RNF144B: variants seen among roughly 807,000 people sequenced by gnomAD.
RNF144B encodes ring finger protein 144B, also known as E3 ubiquitin-protein ligase RNF144B.
Under a neutral mutation model 40.2 loss-of-function variants are expected in RNF144B, and 25 were observed. The observed-to-expected ratio is 0.62, with a 90% confidence interval of 0.45 to 0.87. RNF144B has a LOEUF of 0.87. Ranked by LOEUF, RNF144B falls within the 40% of genes least tolerant of loss-of-function variation. The probability of loss-of-function intolerance (pLI) is 0.00; values close to 1 mark genes in which losing one functional copy is unlikely to be tolerated. For missense variants in RNF144B, 365 were observed against 373.7 expected, an observed-to-expected ratio of 0.98 and a Z score of 0.19; for synonymous variants, 145 against 136.3, an observed-to-expected ratio of 1.06 and a Z score of -0.44.
At chr6:18,403,333 G>C (rs1051254271) in intron 2 of RNF144B, among the ~76,000 whole-genome samples, 1 of 152,192 alleles carries the variant, frequency 6.6e-6, no homozygotes, top group Non-Finnish European at 1.5e-5. Flanking sequence ...GTGAATTAAG[G>C]AATAGTGAAA....
Position 18,434,051 on chromosome 6 carries a change from A to T in RNF144B, c.271-5633A>T, listed in dbSNP as rs1304324905. 6.6e-6 allele frequency among the ~76,000 whole-genome samples: 1 copy of T among 152,130 alleles called. No homozygotes were observed. The highest frequency in any genetic ancestry group is 6.5e-5 in the Admixed American group (1 of 15,276). On this transcript the variant is annotated intron_variant, in intron 3 of 7. Coordinates refer to ENST00000259939, the MANE Select transcript of RNF144B (RefSeq NM_182757.4). The surrounding 1 kb of genome is among the most constrained non-coding windows in gnomAD (Gnocchi z 4.1). ...ATCTCCAGATGTTCTGATATGTTTT[A>T]TTATTTGTTCAGCCTGTTTAATTTT...
Position 18,460,318 on chromosome 6 carries a change from GACC to G in RNF144B, c.681+570_681+572del. On this transcript the variant is annotated intron_variant, in intron 6 of 7. Transcript: ENST00000259939. The surrounding 1 kb of genome is among the most constrained non-coding windows in gnomAD (Gnocchi z 4.4). ...TTCTTTCTTAGTCGTTGCTCCCTCT[GACC>G]ACAGCTGGGAAAGGTTCTCTGCCTG... Among the ~76,000 whole-genome samples the G allele has an allele frequency of 6.6e-6, 1 of 152,214 alleles. No homozygotes were observed. Among genetic ancestry groups the G allele is most frequent in the Middle Eastern group, 3.4e-3 (1 of 292 alleles).
At chr6:18,389,785 A>G (rs528351103) in intron 1 of RNF144B, among the ~76,000 whole-genome samples, 14 of 152,288 alleles carry the variant, frequency 9.2e-5, no homozygotes, top group Admixed American at 6.5e-4. Flanking sequence ...CATGCTTTTC[A>G]CTTGGACTTT....
Position 18,416,076 on chromosome 6 carries a change from T to C in RNF144B, c.166-11505T>C, listed in dbSNP as rs1408342138. 1.3e-5 allele frequency among the ~76,000 whole-genome samples: 2 copies of C among 152,210 alleles called. No individual in the cohort carries two copies. Among genetic ancestry groups the C allele is most frequent in the African/African-American group, 4.8e-5 (2 of 41,470 alleles). On this transcript the variant is annotated intron_variant, in intron 2 of 7. Coordinates refer to ENST00000259939, the MANE Select transcript of RNF144B (RefSeq NM_182757.4). This position sits in a 1 kb window ranked among gnomAD's most constrained non-coding sequence, Gnocchi z 5.5. ...ACAGTTCTGAAGGCTAATGTTTCTT[T>C]GGAGAAAGTAGAAGGATGTAAACTT...
At chr6:18,433,568 A>C (rs76881610) in intron 3 of RNF144B, among the ~76,000 whole-genome samples, 2 of 152,280 alleles carry the variant, frequency 1.3e-5, no homozygotes, top group Non-Finnish European at 1.5e-5. Flanking sequence ...TGGAGGGAGA[A>C]AAGACGGGAT....
rs954608649 is a variant in RNF144B, at chr6:18,434,195, C to T, written c.271-5489C>T. 6.6e-6 allele frequency among the ~76,000 whole-genome samples: 1 copy of T among 152,078 alleles called. No homozygotes were observed. Among genetic ancestry groups the T allele is most frequent in the Non-Finnish European group, 1.5e-5 (1 of 68,020 alleles). On this transcript the variant is annotated intron_variant, in intron 3 of 7. Transcript: ENST00000259939. The surrounding 1 kb of genome is among the most constrained non-coding windows in gnomAD (Gnocchi z 4.1). ...GGGTAGCAGTTCTCTAAAGCCTATC[C>T]CCAATTTCTGTTTCATTTTTTTAAT...
At chr6:18,463,133 A>G (rs1759500034) in intron 6 of RNF144B, among the ~76,000 whole-genome samples, 158 bp from the exon 7 acceptor site, 1 of 152,150 alleles carries the variant, frequency 6.6e-6, no homozygotes, top group Non-Finnish European at 1.5e-5. Flanking sequence ...GATTTACAAA[A>G]CTACCAAGAT....
intron 2 of RNF144B, among the ~76,000 whole-genome samples, chr6:18,409,699 T>TAG (rs1794996273): frequency 6.6e-6 from 1 of 151,476 alleles, no homozygotes; most frequent in African/African-American, 2.4e-5. Flanking sequence ...GCCTCCTGAG[T>TAG]AGCTGGGATT....
intron 3 of RNF144B, among the ~76,000 whole-genome samples, chr6:18,430,475 T>C (rs1758667178): frequency 8.6e-6 from 1 of 116,742 alleles, no homozygotes; most frequent in Non-Finnish European, 1.8e-5. Context: ...CTTTTTTTCT[T>C]GCTTCTTGCT....
chr6:18,455,848 G>T (rs961529518), intron 4 of RNF144B, among the ~76,000 whole-genome samples: 6 of 152,070 alleles, frequency 3.9e-5, no homozygotes, highest in Non-Finnish European at 8.8e-5. Flanking sequence ...TATTATAATG[G>T]TCTGTGAAAG....
At chr6:18,433,049 A>G (rs1363374224) in intron 3 of RNF144B, among the ~76,000 whole-genome samples, 1 of 152,210 alleles carries the variant, frequency 6.6e-6, no homozygotes, top group Non-Finnish European at 1.5e-5. Flanking sequence ...CTCAGATTGC[A>G]TATTTAGTTG....
At position 18,412,400 on chromosome 6, in the gene RNF144B, G is replaced by A. The variant is rs1193188494; in HGVS notation, c.165+12701G>A. Among the ~76,000 whole-genome samples, 2 of 152,142 alleles carry A rather than the reference G, an allele frequency of 1.3e-5. No individual in the cohort carries two copies. The highest frequency in any genetic ancestry group is 4.8e-5 in the African/African-American group (2 of 41,416). On this transcript the variant is annotated intron_variant, in intron 2 of 7. Coordinates refer to ENST00000259939, the MANE Select transcript of RNF144B (RefSeq NM_182757.4). The surrounding 1 kb of genome is among the most constrained non-coding windows in gnomAD (Gnocchi z 4.2). Reference sequence around the variant, plus strand: ...TCTATCTTTAAAAAACATACAGTATGCTCAGTGCCAGTATAGTTTCAACTG... The same window carrying A: ...TCTATCTTTAAAAAACATACAGTATACTCAGTGCCAGTATAGTTTCAACTG...
chr6:18,462,660 A>T (rs1759481618), intron 6 of RNF144B, among the ~76,000 whole-genome samples: 1 of 132,152 alleles, frequency 7.6e-6, no homozygotes. Flanking sequence ...GCTGAGGTCC[A>T]AGTTTTTTTT....
chr6:18,403,941 C>T (rs972778554), intron 2 of RNF144B, among the ~76,000 whole-genome samples: 2 of 152,156 alleles, frequency 1.3e-5, no homozygotes, highest in African/African-American at 2.4e-5. Flanking sequence ...AGAATTCATT[C>T]CCGCAAGAAC....
chr6:18,438,853 A>G (rs1445465921), intron 3 of RNF144B, among the ~76,000 whole-genome samples: 1 of 152,084 alleles, frequency 6.6e-6, no homozygotes, highest in East Asian at 1.9e-4. Context: ...TGATTTATAT[A>G]TGATTTATAT....
chr6:18,419,394 G>A lies in RNF144B; in HGVS notation c.166-8187G>A, dbSNP rs1392809249. Among the ~76,000 whole-genome samples the A allele has an allele frequency of 6.6e-6, 1 of 152,170 alleles. No individual in the cohort carries two copies. Among genetic ancestry groups the A allele is most frequent in the African/African-American group, 2.4e-5 (1 of 41,450 alleles). ...CTGAGAGCAAATAGGCAGTGGACTA[G>A]CACAACTGGTTCTATATAGCAAATG... On this transcript the variant is annotated intron_variant, in intron 2 of 7. Coordinates refer to ENST00000259939, the MANE Select transcript of RNF144B (RefSeq NM_182757.4). The surrounding 1 kb of genome is among the most constrained non-coding windows in gnomAD (Gnocchi z 4.6).
In RNF144B at chr6:18,395,437, A is replaced by G. The variant is rs1163402469; in HGVS notation, c.-36-4062A>G. Among the ~76,000 whole-genome samples, 1 of 152,164 alleles carries G rather than the reference A, an allele frequency of 6.6e-6. No individual in the cohort carries two copies. The highest frequency in any genetic ancestry group is 1.5e-5 in the Non-Finnish European group (1 of 68,032). ...AATAGTAATATGACACAAAGGAAGA[A>G]ATGCAAGGAAACCTTGGAGCCATTC... On this transcript the variant is annotated intron_variant, in intron 1 of 7. Coordinates refer to ENST00000259939, the MANE Select transcript of RNF144B (RefSeq NM_182757.4). This position sits in a 1 kb window ranked among gnomAD's most constrained non-coding sequence, Gnocchi z 4.5.
rs1471585956 is a variant in RNF144B at position 18,467,100 on chromosome 6, A to G, written c.*2033A>G. 1 of 152,652 alleles carries G rather than the reference A, an allele frequency of 6.6e-6. No homozygotes were observed. The highest frequency in any genetic ancestry group is 1.5e-5 in the Non-Finnish European group (1 of 68,046). The allele number at this position is 152,652 out of a possible 1,614,324, so 9.5% of individuals were successfully genotyped here. ...TGTTTTACACGTAGCCCACTGCCTC[A>G]TTATAGGTAAAAGGCATTTATAACT... is the stretch of plus-strand genomic sequence containing the variant. On this transcript the variant is annotated 3_prime_UTR_variant, in exon 8 of 8. Transcript: ENST00000259939.
In RNF144B at chr6:18,439,802, C is replaced by T. The variant is rs117146883; in HGVS notation, c.331+58C>T. 590 of 1,141,052 alleles carry T rather than the reference C, an allele frequency of 5.2e-4. 2 individuals carry two copies. The East Asian group carries it at 0.013, about 25-fold the overall frequency. 70.7% of individuals were successfully genotyped at this position (1,141,052 alleles called of 1,614,324 possible). On this transcript the variant is annotated intron_variant, in intron 4 of 7. Coordinates refer to ENST00000259939, the MANE Select transcript of RNF144B (RefSeq NM_182757.4). ...TGTGGTTTTACATGTGTCATTTTTA[C>T]ACTAACCCACATGGAAGATAAAGGC...
Sources: gnomAD v4.1 joint callset for allele counts (sites outside exome capture counted in the v4.1 genomes callset) on GRCh38, gnomAD v4.1.1 for gene constraint, Gnocchi (gnomAD v3.1) non-coding constraint, MANE v1.5 for transcripts, NCBI Gene and HGNC (gene_info 2026-07-23, HGNC 2026-07-21) for gene names.